PIGR: variants seen among roughly 807,000 people sequenced by gnomAD.
The protein encoded by PIGR is hepatocellular carcinoma associated protein TB6.
PIGR carries 22 observed loss-of-function variants against 69.5 expected under a neutral mutation model. The observed-to-expected ratio is 0.32, with a 90% CI of 0.23 to 0.45. PIGR has a LOEUF of 0.45. Ranked by LOEUF, PIGR falls within the 20% of genes least tolerant of loss-of-function variation. PIGR has a pLI of 1.00. For synonymous variants in PIGR, 413 were observed against 407.6 expected (o/e 1.01, Z -0.16); for missense variants, 885 against 974.0 (o/e 0.91, Z 1.22).
chr1:206,943,902 A>G (rs1274802986), intron 1 of PIGR, among the ~76,000 whole-genome samples: 1 of 152,220 alleles, frequency 6.6e-6, no homozygotes, highest in Non-Finnish European at 1.5e-5. Context: ...TACAGCCACC[A>G]TAGGAGATGG....
Position 206,939,391 on chromosome 1 carries a change from G to A in PIGR, c.116C>T (p.Thr39Met), listed in dbSNP as rs762988342. ...NSVEGNSVSITCYYPPTSVNR... is the reference protein window; with the variant it reads ...NSVEGNSVSIMCYYPPTSVNR... ...GACAGAGGTGGGTGGGTAGTAGCAC[G>A]TGATGGACACTGAGTTACCTTCCAC... The change falls in exon 3 of 11, where the codon ACG (threonine) becomes ATG (methionine). Residue 39 changes from threonine to methionine, a missense_variant. Thr to Met is a moderately conservative substitution (Grantham distance 81). Coordinates refer to ENST00000356495, the MANE Select transcript of PIGR (RefSeq NM_002644.4). 5.0e-6 allele frequency: 8 copies of A among 1,614,064 alleles called. No homozygotes were observed. Among genetic ancestry groups the A allele is most frequent in the East Asian group, 2.2e-5 (1 of 44,898 alleles).
intron 3 of PIGR, 145 bp downstream of exon 3, chr1:206,938,973 GA>G: frequency 4.6e-6 from 3 of 655,334 alleles, no homozygotes; most frequent in East Asian, 2.7e-5. Context: ...TCCTGTTAAA[GA>G]AGTCTTTGCC....
At position 206,930,165 on chromosome 1, in the gene PIGR, C is replaced by T. The variant is rs1679704717; in HGVS notation, c.*153G>A. On this transcript the variant is annotated 3_prime_UTR_variant, in exon 11 of 11. Transcript: ENST00000356495. This position sits in a 1 kb window ranked among gnomAD's most constrained non-coding sequence, Gnocchi z 4.3. ...ACAATTAGGCCAGGCTTTGATGTCA[C>T]TGAGGAGGGGACCAGCACGCCTCTG... The T allele has an allele frequency of 3.7e-6, 2 of 545,214 alleles. No individual in the cohort carries two copies. The highest frequency in any genetic ancestry group is 7.2e-5 in the Admixed American group (2 of 27,606). The allele number at this position is 545,214 out of a possible 1,614,324, so 33.8% of individuals were successfully genotyped here.
intron 1 of PIGR, among the ~76,000 whole-genome samples, chr1:206,944,169 C>A (rs1680053636): frequency 6.6e-6 from 1 of 152,166 alleles, no homozygotes; most frequent in Non-Finnish European, 1.5e-5. Flanking sequence ...ACGGAAAAGG[C>A]AGTTCTTATA....
intron 1 of PIGR, among the ~76,000 whole-genome samples, chr1:206,945,211 T>A (rs997600929): frequency 2.0e-5 from 3 of 152,200 alleles, no homozygotes; most frequent in Non-Finnish European, 4.4e-5. Context: ...ACAGCTGCCT[T>A]CTACCTAAAC....
chr1:206,931,150 T>C, intron 10 of PIGR: 1 of 985,294 alleles, frequency 1.0e-6, no homozygotes. Context: ...GGTCCTTGGG[T>C]CCCCCAACCC....
intron 2 of PIGR, among the ~76,000 whole-genome samples, chr1:206,939,753 G>A (rs575997299): frequency 1.3e-5 from 2 of 152,324 alleles, no homozygotes; most frequent in Admixed American, 1.3e-4. Context: ...TTGAGACAAA[G>A]TCTCTCTCTG....
At chr1:206,938,335 C>G (rs1679909398) in intron 3 of PIGR, among the ~76,000 whole-genome samples, 1 of 152,134 alleles carries the variant, frequency 6.6e-6, no homozygotes, top group Non-Finnish European at 1.5e-5. Context: ...AACTCTAAGC[C>G]CTCTTCACCT....
At chr1:206,940,863 C>T (rs1201095053) in intron 1 of PIGR, among the ~76,000 whole-genome samples, 1 of 152,156 alleles carries the variant, frequency 6.6e-6, no homozygotes, top group African/African-American at 2.4e-5. Flanking sequence ...GTTTCCCTGC[C>T]CATGAGACAC....
intron 1 of PIGR, among the ~76,000 whole-genome samples, chr1:206,942,894 G>C (rs1284889627): frequency 1.3e-5 from 2 of 152,214 alleles, no homozygotes; most frequent in African/African-American, 4.8e-5. Context: ...GTCCTAGATG[G>C]GATGATTGGC....
rs765639007 is a variant in PIGR, at chr1:206,937,599, C to T, written c.541G>A (p.Gly181Ser). 5 of 1,613,972 alleles carry T rather than the reference C, an allele frequency of 3.1e-6. No individual in the cohort carries two copies. The highest frequency in any genetic ancestry group is 1.6e-4 in the Middle Eastern group (1 of 6,062). Residue 181 changes from glycine (G) to serine (S), a missense_variant, in exon 4 of 11, where the codon GGT becomes AGT. Gly to Ser is a moderately conservative substitution (Grantham distance 56, BLOSUM62 0). Coordinates refer to ENST00000356495, the MANE Select transcript of PIGR (RefSeq NM_002644.4). Reference sequence around the variant, plus strand: ...CCTGTATAGTTGGGATTTACATAACCACTGGAGTCGATGACCAGCACAGGG... The same window carrying T: ...CCTGTATAGTTGGGATTTACATAACTACTGGAGTCGATGACCAGCACAGGG... ...LYPVLVIDSS[G>S]YVNPNYTGRI...
In PIGR at chr1:206,934,316, C is replaced by A. The variant is rs150790373; in HGVS notation, c.1705+104G>T. 2.1e-5 allele frequency: 21 copies of A among 1,016,834 alleles called. No individual in the cohort carries two copies. The East Asian group carries it at 5.2e-4, about 25-fold the overall frequency. The allele number at this position is 1,016,834 out of a possible 1,614,324, so 63.0% of individuals were successfully genotyped here. Reference sequence around the variant, plus strand: ...ACTCTCCACTTTCAGCCTCTTACAGCCAAACATAGGGGCCAGCACTGATTG... The same window carrying A: ...ACTCTCCACTTTCAGCCTCTTACAGACAAACATAGGGGCCAGCACTGATTG... On this transcript the variant is annotated intron_variant, in intron 6 of 10. Coordinates refer to ENST00000356495, the MANE Select transcript of PIGR (RefSeq NM_002644.4).
At chr1:206,943,254 G>A (rs1480979846) in intron 1 of PIGR, among the ~76,000 whole-genome samples, 2 of 152,162 alleles carry the variant, frequency 1.3e-5, no homozygotes, top group African/African-American at 2.4e-5. Context: ...TTATCCTCAT[G>A]ACACAGGTTG....
At position 206,934,755 on chromosome 1, in the gene PIGR, G is replaced by C; in HGVS notation, c.1379-9C>G. The C allele has an allele frequency of 6.3e-7, 1 of 1,591,234 alleles. No homozygotes were observed. On this transcript the variant is annotated splice_polypyrimidine_tract_variant and intron_variant, in intron 5 of 10. Transcript: ENST00000356495. Reference sequence around the variant, plus strand: ...CTTGAGGTTTGGTTCTCCTGGAGGAGGGAGGGAGGTAGAAATAAACACAGA... The same window carrying C: ...CTTGAGGTTTGGTTCTCCTGGAGGACGGAGGGAGGTAGAAATAAACACAGA...
intron 1 of PIGR, among the ~76,000 whole-genome samples, chr1:206,945,283 GA>G (rs1170389340): frequency 2.0e-5 from 3 of 152,174 alleles, no homozygotes; most frequent in Admixed American, 2.0e-4. Flanking sequence ...AGTGAAGGGG[GA>G]AAGTGATGGC....
intron 1 of PIGR, among the ~76,000 whole-genome samples, chr1:206,941,140 T>C (rs1220471892): frequency 6.6e-6 from 1 of 152,236 alleles, no homozygotes; most frequent in Non-Finnish European, 1.5e-5. Flanking sequence ...TTGAATAATT[T>C]ATGTGTACTA....
At chr1:206,942,928 G>A (rs997294661) in intron 1 of PIGR, among the ~76,000 whole-genome samples, 1 of 152,172 alleles carries the variant, frequency 6.6e-6, no homozygotes, top group Admixed American at 6.5e-5. Flanking sequence ...CCTGCTTTCA[G>A]GAACAGGAGC....
At chr1:206,932,908 C>T (rs1679785249) in intron 7 of PIGR, 78 bp downstream of exon 7, 2 of 1,447,838 alleles carry the variant, frequency 1.4e-6, no homozygotes, top group Non-Finnish European at 1.9e-6. Context: ...GGGCTTTCCT[C>T]CTTGGACCTG....
At position 206,929,382 on chromosome 1, in the gene PIGR, C is replaced by G. The variant is rs1366881418; in HGVS notation, c.*936G>C. 6.6e-6 allele frequency: 1 copy of G among 151,688 alleles called. No homozygotes were observed. The highest frequency in any genetic ancestry group is 2.4e-5 in the African/African-American group (1 of 41,278). 9.4% of individuals were successfully genotyped at this position (151,688 alleles called of 1,614,324 possible). A position where few individuals can be genotyped will look rare whatever the true frequency, so the allele number is the denominator to read the frequency against. ...CTAACACGGTGAAACCCTGTCTCTACTAAAAATACAAAAAATTAGCCAGGC... is the reference window on the plus strand; with the variant it reads ...CTAACACGGTGAAACCCTGTCTCTAGTAAAAATACAAAAAATTAGCCAGGC... On this transcript the variant is annotated 3_prime_UTR_variant, in exon 11 of 11. Coordinates refer to ENST00000356495, the MANE Select transcript of PIGR (RefSeq NM_002644.4).
Sources: allele counts gnomAD v4.1 joint callset (sites outside exome capture counted in the v4.1 genomes callset), GRCh38; gene constraint gnomAD v4.1.1; non-coding constraint Gnocchi (gnomAD v3.1); transcripts MANE v1.5; gene names NCBI Gene and HGNC (gene_info 2026-07-23, HGNC 2026-07-21).